Variants in PIP4P2 observed in about 807,000 individuals in gnomAD.
PIP4P2 encodes phosphatidylinositol-4,5-bisphosphate 4-phosphatase 2.
PIP4P2 carries 19 observed loss-of-function variants against 33.3 expected under a neutral mutation model. The observed-to-expected ratio is 0.57, with a 90% confidence interval of 0.40 to 0.84. The LOEUF (loss-of-function observed/expected upper bound fraction) is 0.84. PIP4P2 is among the 40% of genes least tolerant of loss of function. The pLI is 0.00. For synonymous variants in PIP4P2, 110 were observed against 111.9 expected (o/e 0.98, Z 0.11); for missense variants, 270 against 324.7 (o/e 0.83, Z 1.29).
intron 4 of PIP4P2, among the ~76,000 whole-genome samples, chr8:91,015,217 G>A (rs564488835): frequency 1.3e-5 from 2 of 152,272 alleles, no homozygotes; most frequent in South Asian, 2.1e-4. Context: ...CAAGAGATTA[G>A]AGGATCTTTC....
At chr8:91,039,163 A>C (rs1812272845) in intron 1 of PIP4P2, among the ~76,000 whole-genome samples, 1 of 152,236 alleles carries the variant, frequency 6.6e-6, no homozygotes, top group Non-Finnish European at 1.5e-5. Context: ...TGACTTGATG[A>C]AGTTGAAACA....
At chr8:91,001,056 C>G (rs1346692050) in intron 5 of PIP4P2, among the ~76,000 whole-genome samples, 1 of 151,950 alleles carries the variant, frequency 6.6e-6, no homozygotes, top group East Asian at 1.9e-4. Context: ...TTGTTTCTTT[C>G]TATATCTATC....
intron 3 of PIP4P2, among the ~76,000 whole-genome samples, chr8:91,019,608 C>G (rs140576166): frequency 2.8e-4 from 42 of 149,614 alleles, no homozygotes; most frequent in African/African-American, 8.5e-4. Context: ...GGGTCTCACT[C>G]TGTTGCCCAG....
intron 1 of PIP4P2, among the ~76,000 whole-genome samples, chr8:91,022,578 G>A (rs1234471045): frequency 6.6e-6 from 1 of 152,086 alleles, no homozygotes; most frequent in African/African-American, 2.4e-5. Flanking sequence ...GGTATCTCAA[G>A]AGGCTTCTGT....
intron 5 of PIP4P2, among the ~76,000 whole-genome samples, chr8:91,005,408 A>G (rs1231420545): frequency 6.6e-6 from 1 of 152,114 alleles, no homozygotes; most frequent in East Asian, 1.9e-4. Flanking sequence ...CTTAGTTCAT[A>G]TATCACTCCC....
At chr8:91,014,446 C>T (rs1206852509) in intron 4 of PIP4P2, among the ~76,000 whole-genome samples, 3 of 152,088 alleles carry the variant, frequency 2.0e-5, no homozygotes, top group African/African-American at 7.2e-5. Context: ...TTTGTAACAA[C>T]ATGTATTAAC....
At chr8:90,999,241 A>T (rs1227890299) in intron 5 of PIP4P2, among the ~76,000 whole-genome samples, 1 of 152,138 alleles carries the variant, frequency 6.6e-6, no homozygotes, top group African/African-American at 2.4e-5. Flanking sequence ...CAGAATTAAT[A>T]CTACTAAAAA....
In PIP4P2 at chr8:91,014,758, G is replaced by GACACACACACAC. The variant is rs142952434; in HGVS notation, c.486+3620_486+3631dup. Among the ~76,000 whole-genome samples the GACACACACACAC allele has an allele frequency of 1.9e-3, 269 of 142,744 alleles. 2 individuals carry two copies. The highest frequency in any genetic ancestry group is 4.2e-3 in the East Asian group (20 of 4,804). The allele number at this position is 142,744 out of a possible 152,430, so 93.6% of individuals were successfully genotyped here. A position where few individuals can be genotyped will look rare whatever the true frequency, so the allele number is the denominator to read the frequency against. ...AGATCTTTAGTATTCTTACCACAAAGACACACACACACACACACACACACA... is the reference window on the plus strand; with the variant it reads ...AGATCTTTAGTATTCTTACCACAAAGACACACACACACACACACACACACACACACACACACA... On this transcript the variant is annotated intron_variant, in intron 4 of 6. Coordinates refer to ENST00000285419, the MANE Select transcript of PIP4P2 (RefSeq NM_018710.3).
At chr8:91,035,801 G>A (rs888425040) in intron 1 of PIP4P2, among the ~76,000 whole-genome samples, 6 of 152,098 alleles carry the variant, frequency 3.9e-5, no homozygotes, top group African/African-American at 1.4e-4. Context: ...GGCCAAGGCA[G>A]GCAAATTGCT....
intron 5 of PIP4P2, among the ~76,000 whole-genome samples, chr8:91,000,413 T>A (rs1037822170): frequency 6.8e-6 from 1 of 146,312 alleles, no homozygotes; most frequent in Non-Finnish European, 1.5e-5. Flanking sequence ...TTTTTTTTTT[T>A]AGTAAGGGTA....
chr8:90,998,817 T>C (rs895738454), intron 5 of PIP4P2, among the ~76,000 whole-genome samples: 1 of 151,772 alleles, frequency 6.6e-6, no homozygotes, highest in African/African-American at 2.4e-5. Flanking sequence ...TTATATAGGT[T>C]GCCTGGAGGA....
chr8:91,014,519 G>A (rs868510856), intron 4 of PIP4P2, among the ~76,000 whole-genome samples: 22 of 151,996 alleles, frequency 1.4e-4, no homozygotes, highest in African/African-American at 4.6e-4. Flanking sequence ...GCACGATCAC[G>A]CCTGTATGTG....
chr8:90,997,374 T>C (rs1248471724), intron 5 of PIP4P2, among the ~76,000 whole-genome samples: 2 of 152,138 alleles, frequency 1.3e-5, no homozygotes, highest in Admixed American at 6.6e-5. Flanking sequence ...ATCTTCATTA[T>C]TATACATAAT....
chr8:91,040,848 G>A lies in PIP4P2; in HGVS notation c.-99C>T. 2.6e-6 allele frequency: 3 copies of A among 1,141,030 alleles called. No individual in the cohort carries two copies. The South Asian group carries it at 4.0e-5, about 15-fold the overall frequency. The allele number at this position is 1,141,030 out of a possible 1,614,324, so 70.7% of individuals were successfully genotyped here. A position where few individuals can be genotyped will look rare whatever the true frequency, so the allele number is the denominator to read the frequency against. On this transcript the variant is annotated 5_prime_UTR_variant, in exon 1 of 7. Transcript: ENST00000285419. Reference sequence around the variant, plus strand: ...TGCCTCTGCTGCCGCTGCTGCCGCTGCAGCTGCTGCTGCTGCCGCCTCCGG... The same window carrying A: ...TGCCTCTGCTGCCGCTGCTGCCGCTACAGCTGCTGCTGCTGCCGCCTCCGG...
At chr8:91,033,916 A>G (rs1812202571) in intron 1 of PIP4P2, among the ~76,000 whole-genome samples, 1 of 152,148 alleles carries the variant, frequency 6.6e-6, no homozygotes, top group Non-Finnish European at 1.5e-5. Context: ...AGTAGCTGGG[A>G]CTACAGGCAT....
intron 4 of PIP4P2, among the ~76,000 whole-genome samples, chr8:91,010,819 A>G (rs951629182): frequency 1.3e-5 from 2 of 151,826 alleles, no homozygotes; most frequent in African/African-American, 4.8e-5. Flanking sequence ...CAGCAAGATT[A>G]AAAGCAACTT....
At chr8:90,997,070 G>A (rs1563560275) in intron 5 of PIP4P2, among the ~76,000 whole-genome samples, 2 of 151,980 alleles carry the variant, frequency 1.3e-5, no homozygotes. Flanking sequence ...TGGAAAAACA[G>A]CTATCTTACA....
chr8:91,030,501 A>C (rs1812148552), intron 1 of PIP4P2, among the ~76,000 whole-genome samples: 1 of 152,224 alleles, frequency 6.6e-6, no homozygotes, highest in Non-Finnish European at 1.5e-5. Context: ...CACAAATACC[A>C]ATAATATAAT....
At chr8:91,024,025 A>C (rs895990326) in intron 1 of PIP4P2, among the ~76,000 whole-genome samples, 1 of 152,044 alleles carries the variant, frequency 6.6e-6, no homozygotes, top group Admixed American at 6.6e-5. Flanking sequence ...ATGGAAAACA[A>C]GGGCTTCTTT....
Sources: gnomAD v4.1 joint callset for allele counts (sites outside exome capture counted in the v4.1 genomes callset) on GRCh38, gnomAD v4.1.1 for gene constraint, MANE v1.5 for transcripts, NCBI Gene and HGNC (gene_info 2026-07-23, HGNC 2026-07-21) for gene names.